The following EPS15 variants were observed in gnomAD, a reference collection of about 807,000 sequenced individuals.
The protein encoded by EPS15 is epidermal growth factor receptor pathway substrate 15, also known as epidermal growth factor receptor substrate 15.
Under a neutral mutation model 113.8 loss-of-function variants are expected in EPS15, and 72 were observed. That is an observed-to-expected ratio of 0.63 (90% CI 0.52 to 0.77). The LOEUF (loss-of-function observed/expected upper bound fraction) is 0.77. EPS15 is among the 30% of genes least tolerant of loss of function. The pLI is 0.00. For missense variants in EPS15, 1,048 were observed against 1,045.8 expected, an observed-to-expected ratio of 1.00 and a Z score of -0.03; for synonymous variants, 344 against 363.4, an observed-to-expected ratio of 0.95 and a Z score of 0.61.
At chr1:51,370,339 T>C (rs1218002795) in intron 21 of EPS15, among the ~76,000 whole-genome samples, 1 of 152,206 alleles carries the variant, frequency 6.6e-6, no homozygotes, top group African/African-American at 2.4e-5. Flanking sequence ...AGGAGTGTTT[T>C]GGATTTCAGA....
At chr1:51,404,268 C>T (rs1315554266) in intron 16 of EPS15, among the ~76,000 whole-genome samples, 5 of 150,708 alleles carry the variant, frequency 3.3e-5, no homozygotes, top group African/African-American at 1.2e-4. Context: ...ATAGCTTAAA[C>T]CCGGGAGGCT....
At chr1:51,493,678 G>C (rs970451032) in intron 1 of EPS15, among the ~76,000 whole-genome samples, 5 of 151,114 alleles carry the variant, frequency 3.3e-5, no homozygotes, top group African/African-American at 1.2e-4. Flanking sequence ...GAGTGCAATG[G>C]CACGATCTCG....
intron 1 of EPS15, among the ~76,000 whole-genome samples, chr1:51,505,196 G>A (rs1644477914): frequency 6.6e-6 from 1 of 151,840 alleles, no homozygotes; most frequent in Admixed American, 6.6e-5. Flanking sequence ...CCCAGGAGAA[G>A]TGAAAACATA....
intron 1 of EPS15, among the ~76,000 whole-genome samples, chr1:51,515,414 A>AG (rs1644696823): frequency 6.6e-6 from 1 of 152,204 alleles, no homozygotes; most frequent in East Asian, 1.9e-4. Flanking sequence ...TTGAGGATGC[A>AG]GTGAGCCTGA....
At chr1:51,515,577 G>A (rs896579401) in intron 1 of EPS15, among the ~76,000 whole-genome samples, 1 of 152,068 alleles carries the variant, frequency 6.6e-6, no homozygotes, top group Non-Finnish European at 1.5e-5. Flanking sequence ...TCCTATCTCA[G>A]TAAAATAAAA....
intron 8 of EPS15, among the ~76,000 whole-genome samples, chr1:51,448,545 C>T (rs1264962594): frequency 6.6e-6 from 1 of 151,944 alleles, no homozygotes; most frequent in African/African-American, 2.4e-5. Context: ...CAAGCAAATC[C>T]CTTAAATGGT....
At chr1:51,369,777 T>C (rs576344259) in intron 21 of EPS15, among the ~76,000 whole-genome samples, 2 of 152,346 alleles carry the variant, frequency 1.3e-5, no homozygotes, top group South Asian at 4.1e-4. Context: ...ATTTGACATA[T>C]ATTTGTTCAT....
intron 11 of EPS15, among the ~76,000 whole-genome samples, chr1:51,442,464 C>T (rs1652667688): frequency 6.6e-6 from 1 of 152,062 alleles, no homozygotes; most frequent in South Asian, 2.1e-4. Context: ...TTAGTTTAAC[C>T]TCAAACAAGT....
intron 1 of EPS15, among the ~76,000 whole-genome samples, chr1:51,491,958 C>T (rs1283223630): frequency 2.0e-5 from 3 of 151,634 alleles, no homozygotes; most frequent in Admixed American, 1.3e-4. Flanking sequence ...CCTCCACCTC[C>T]GGGGCTCAAG....
At chr1:51,479,356 A>G (rs1643978329) in intron 2 of EPS15, among the ~76,000 whole-genome samples, 1 of 152,164 alleles carries the variant, frequency 6.6e-6, no homozygotes, top group African/African-American at 2.4e-5. Context: ...CCATTCGTCT[A>G]ATCTTTTTTC....
rs375312542 is a variant in EPS15 at position 51,408,121 on chromosome 1, T to A, written c.1473+14A>T. ...GATCCATTTGAATATATTTCTTGCTTTACAAAGACTTACTGAACTAATTTC... is the reference window on the plus strand; with the variant it reads ...GATCCATTTGAATATATTTCTTGCTATACAAAGACTTACTGAACTAATTTC... On this transcript the variant is annotated intron_variant, in intron 15 of 24. Transcript: ENST00000371733. 3 of 1,610,752 alleles carry A rather than the reference T, an allele frequency of 1.9e-6. No homozygotes were observed. Among genetic ancestry groups the A allele is most frequent in the Non-Finnish European group, 2.5e-6 (3 of 1,176,884 alleles).
intron 1 of EPS15, among the ~76,000 whole-genome samples, chr1:51,509,000 A>G (rs1392660349): frequency 6.6e-6 from 1 of 152,180 alleles, no homozygotes; most frequent in Admixed American, 6.5e-5. Context: ...TTTCATCATA[A>G]TCACAGTATT....
At chr1:51,449,680 G>T (rs937789149) in intron 8 of EPS15, among the ~76,000 whole-genome samples, 1 of 151,694 alleles carries the variant, frequency 6.6e-6, no homozygotes, top group Non-Finnish European at 1.5e-5. Context: ...CACACCACAC[G>T]GAAGACAGAG....
At chr1:51,423,717 T>G (rs1650973401) in intron 12 of EPS15, 2 of 985,430 alleles carry the variant, frequency 2.0e-6, no homozygotes, top group Non-Finnish European at 2.4e-6. Context: ...AGATCAAGTG[T>G]GCATGCAGGA....
In EPS15 at chr1:51,440,416, C is replaced by G. The variant is rs866723304; in HGVS notation, c.971G>C (p.Ser324Thr). The change falls in exon 12 of 25, where the codon AGT (serine) becomes ACT (threonine). Residue 324 changes from serine to threonine, a missense_variant. Coordinates refer to ENST00000371733, the MANE Select transcript of EPS15 (RefSeq NM_001981.3). ...AATAGCAGAGAAATCTGCAACAGGA[C>G]TTGATCCTATGATGTTCTAAAAACA... ...ASLQKNIIGSSPVADFSAIKE... is the reference protein window; with the variant it reads ...ASLQKNIIGSTPVADFSAIKE... 9.5e-6 allele frequency: 15 copies of G among 1,578,366 alleles called. No individual in the cohort carries two copies. The East Asian group carries it at 3.4e-4, about 36-fold the overall frequency.
At chr1:51,393,821 A>C (rs1229792434) in intron 21 of EPS15, among the ~76,000 whole-genome samples, 1 of 152,226 alleles carries the variant, frequency 6.6e-6, no homozygotes, top group Non-Finnish European at 1.5e-5. Context: ...CAAATCTATT[A>C]AACTGTACGA....
At chr1:51,518,134 T>G (rs998164888) in intron 1 of EPS15, among the ~76,000 whole-genome samples, 5 of 151,918 alleles carry the variant, frequency 3.3e-5, no homozygotes, top group African/African-American at 1.2e-4. Flanking sequence ...GGGGGAGAGT[T>G]TGGGTCACAG....
chr1:51,476,123 C>T (rs1643895547), intron 2 of EPS15, among the ~76,000 whole-genome samples: 1 of 152,112 alleles, frequency 6.6e-6, no homozygotes. Context: ...GTAATGCCTC[C>T]AGCTTTGTTC....
chr1:51,405,596 G>A (rs749316165), intron 16 of EPS15, among the ~76,000 whole-genome samples: 1 of 152,018 alleles, frequency 6.6e-6, no homozygotes, highest in Non-Finnish European at 1.5e-5. Context: ...TACTCAGGAG[G>A]CTGAGGCAGG....
Sources: gnomAD v4.1 joint callset for allele counts (sites outside exome capture counted in the v4.1 genomes callset) on GRCh38, gnomAD v4.1.1 for gene constraint, MANE v1.5 for transcripts, NCBI Gene and HGNC (gene_info 2026-07-23, HGNC 2026-07-21) for gene names.